FAM227B: variants seen among roughly 807,000 people sequenced by gnomAD.
FAM227B encodes the protein family with sequence similarity 227 member B, also known as protein FAM227B.
A neutral mutation model predicts 73.8 loss-of-function variants in FAM227B; 88 were observed. The ratio of observed to expected loss-of-function variants is 1.19; its 90% CI spans 1.00 to 1.42. The LOEUF (loss-of-function observed/expected upper bound fraction) is 1.42, where lower values mean the gene tolerates loss of function less well. Ranked by LOEUF, FAM227B falls within the 40% of genes most tolerant of loss-of-function variation. The pLI is 0.00. For missense variants in FAM227B, 632 were observed against 590.9 expected, an observed-to-expected ratio of 1.07 and a Z score of -0.72; for synonymous variants, 210 against 190.5, an observed-to-expected ratio of 1.10 and a Z score of -0.84.
intron 4 of FAM227B, 35 bp from the exon 5 acceptor site, chr15:49,588,118 A>G (rs1035260152): frequency 8.2e-7 from 1 of 1,218,162 alleles, no homozygotes; most frequent in Non-Finnish European, 1.1e-6. Flanking sequence ...TATATATATT[A>G]TACATATGAA....
At chr15:49,599,898 T>C (rs1458250139) in intron 3 of FAM227B, among the ~76,000 whole-genome samples, 3 of 152,198 alleles carry the variant, frequency 2.0e-5, no homozygotes, top group Non-Finnish European at 4.4e-5. Flanking sequence ...TTGGATAGAA[T>C]GATCTGTATG....
intron 11 of FAM227B, among the ~76,000 whole-genome samples, chr15:49,403,129 C>G (rs1003566248): frequency 3.3e-5 from 5 of 152,106 alleles, no homozygotes; most frequent in African/African-American, 1.2e-4. Flanking sequence ...GGGATGAAAC[C>G]AACTTGATCA....
chr15:49,328,814 AATTCAGACTC>A lies in FAM227B; in HGVS notation c.1420-149_1420-140del, dbSNP rs910997576. The A allele has an allele frequency of 2.1e-6, 3 of 1,417,408 alleles. No individual in the cohort carries two copies. The African/African-American group carries it at 4.3e-5, about 20-fold the overall frequency. The allele number at this position is 1,417,408 out of a possible 1,614,324, so 87.8% of individuals were successfully genotyped here. On this transcript the variant is annotated intron_variant, in intron 15 of 15. Coordinates refer to ENST00000299338, the MANE Select transcript of FAM227B (RefSeq NM_152647.3). ...TGACAAAAGGAGGATACAGGAAGAA[AATTCAGACTC>A]ATTTGAATATTTGTAAACCATGTAA...
intron 11 of FAM227B, among the ~76,000 whole-genome samples, chr15:49,490,387 T>C (rs993485519): frequency 2.6e-5 from 4 of 152,046 alleles, no homozygotes; most frequent in Non-Finnish European, 5.9e-5. Flanking sequence ...TTTCAGATCA[T>C]GCATCCTCTG....
intron 9 of FAM227B, among the ~76,000 whole-genome samples, chr15:49,550,347 C>T (rs1230035427): frequency 6.7e-6 from 1 of 149,818 alleles, no homozygotes; most frequent in East Asian, 2.0e-4. Context: ...GACCCCCCCA[C>T]CTCCCTCCCG....
intron 11 of FAM227B, among the ~76,000 whole-genome samples, chr15:49,478,718 A>G (rs2055601782): frequency 6.6e-6 from 1 of 152,144 alleles, no homozygotes; most frequent in African/African-American, 2.4e-5. Context: ...CCATATTAAT[A>G]TATACCCCTT....
chr15:49,495,826 C>T lies in FAM227B; in HGVS notation c.1012+12385G>A, dbSNP rs575255588. Reference sequence around the variant, plus strand: ...TCACTTGAGGTCAGGAGTTTGAGACCAGTCTGGCCCACATGGAGAATCCCT... The same window carrying T: ...TCACTTGAGGTCAGGAGTTTGAGACTAGTCTGGCCCACATGGAGAATCCCT... On this transcript the variant is annotated intron_variant, in intron 11 of 15. Coordinates refer to ENST00000299338, the MANE Select transcript of FAM227B (RefSeq NM_152647.3). Among the ~76,000 whole-genome samples the T allele has an allele frequency of 7.2e-5, 11 of 152,084 alleles. No individual in the cohort carries two copies. In the South Asian group the frequency reaches 2.3e-3, roughly 32 times the overall value.
intron 11 of FAM227B, chr15:49,422,571 A>G (rs1362795091): frequency 3.8e-6 from 5 of 1,320,818 alleles, no homozygotes; most frequent in Non-Finnish European, 5.1e-6. Context: ...ACAGAATTGT[A>G]AAGCACCATA....
At chr15:49,464,911 C>T (rs12595692) in intron 11 of FAM227B, among the ~76,000 whole-genome samples, 38,642 of 151,916 alleles carry the variant, frequency 0.25, 5,768 homozygotes, top group Non-Finnish European at 0.35. Flanking sequence ...ACATGACATA[C>T]CTAAAAAACA....
chr15:49,369,193 G>A (rs1391139522), intron 12 of FAM227B, among the ~76,000 whole-genome samples: 2 of 151,958 alleles, frequency 1.3e-5, no homozygotes, highest in Non-Finnish European at 2.9e-5. Flanking sequence ...TCCTGACCTC[G>A]AGATCCGCCC....
intron 9 of FAM227B, among the ~76,000 whole-genome samples, chr15:49,553,629 C>T (rs2073305616): frequency 6.6e-6 from 1 of 152,214 alleles, no homozygotes; most frequent in Non-Finnish European, 1.5e-5. Flanking sequence ...CCTTCCTACT[C>T]TTCCCTCCCC....
At chr15:49,524,106 A>G (rs2059980304) in intron 10 of FAM227B, among the ~76,000 whole-genome samples, 1 of 152,254 alleles carries the variant, frequency 6.6e-6, no homozygotes, top group Non-Finnish European at 1.5e-5. Context: ...CAAAATTTGC[A>G]TAAGTAATGA....
At chr15:49,504,755 C>T (rs2058448914) in intron 11 of FAM227B, among the ~76,000 whole-genome samples, 1 of 152,136 alleles carries the variant, frequency 6.6e-6, no homozygotes, top group Middle Eastern at 3.2e-3. Flanking sequence ...CAACACCATG[C>T]TTTCTGTAAA....
At chr15:49,557,921 A>C (rs1273827066) in intron 9 of FAM227B, among the ~76,000 whole-genome samples, 3 of 152,146 alleles carry the variant, frequency 2.0e-5, no homozygotes, top group African/African-American at 4.8e-5. Flanking sequence ...TGGTGCTAAG[A>C]AGCAGCCAGA....
At chr15:49,584,057 C>A (rs561234150) in intron 5 of FAM227B, among the ~76,000 whole-genome samples, 1 of 151,910 alleles carries the variant, frequency 6.6e-6, no homozygotes, top group South Asian at 2.1e-4. Context: ...GAGATAACAA[C>A]AAAAAAAGAG....
At position 49,550,033 on chromosome 15, in the gene FAM227B, G is replaced by A. The variant is rs1472040157; in HGVS notation, c.748-8227C>T. 1.1e-3 allele frequency among the ~76,000 whole-genome samples: 132 copies of A among 125,570 alleles called. 3 individuals are homozygous for A. Among genetic ancestry groups the A allele is most frequent in the Admixed American group, 3.0e-3 (38 of 12,822 alleles). The allele number at this position is 125,570 out of a possible 152,430, so 82.4% of individuals were successfully genotyped here. On this transcript the variant is annotated intron_variant, in intron 9 of 15. Transcript: ENST00000299338. ...GGGCTGACCCCCCCACCTCCCTCCC[G>A]GACGGGGCGGCTGGCCGGGCTGGGG...
At chr15:49,605,363 C>A (rs2077450245) in intron 3 of FAM227B, among the ~76,000 whole-genome samples, 1 of 152,148 alleles carries the variant, frequency 6.6e-6, no homozygotes, top group South Asian at 2.1e-4. Context: ...GGTGGTATTA[C>A]CTCTTGGGTC....
chr15:49,360,609 C>G (rs9888727), intron 13 of FAM227B, among the ~76,000 whole-genome samples: 3 of 152,120 alleles, frequency 2.0e-5, no homozygotes, highest in Non-Finnish European at 4.4e-5. Flanking sequence ...GCTCTAAATA[C>G]ATTTTATCCA....
At chr15:49,459,288 T>C (rs2053580943) in intron 11 of FAM227B, among the ~76,000 whole-genome samples, 1 of 152,212 alleles carries the variant, frequency 6.6e-6, no homozygotes, top group South Asian at 2.1e-4. Flanking sequence ...ATAGGTTCTC[T>C]GCATTAGGTG....
Sources: gnomAD v4.1 joint callset for allele counts (sites outside exome capture counted in the v4.1 genomes callset) on GRCh38, gnomAD v4.1.1 for gene constraint, MANE v1.5 for transcripts, NCBI Gene and HGNC (gene_info 2026-07-23, HGNC 2026-07-21) for gene names.